The following ECD variants were observed in gnomAD, a reference collection of about 807,000 sequenced individuals.
ECD encodes the protein protein ecdysoneless homolog.
In ECD, 59 loss-of-function variants were observed where a neutral mutation model predicts 77.2. The ratio of observed to expected loss-of-function variants is 0.76; its 90% CI spans 0.62 to 0.95. The LOEUF (loss-of-function observed/expected upper bound fraction) is 0.95. Among genes scored for constraint, ECD ranks in the 40% least tolerant of loss-of-function variants. The pLI, the probability that ECD is intolerant of heterozygous loss-of-function variation, is 0.00. For synonymous variants in ECD, 233 were observed against 267.4 expected, an observed-to-expected ratio of 0.87 and a Z score of 1.26; for missense variants, 704 against 763.4, an observed-to-expected ratio of 0.92 and a Z score of 0.92.
intron 3 of ECD, 101 bp downstream of exon 3, chr10:73,160,333 A>G: frequency 1.3e-6 from 1 of 747,670 alleles, no homozygotes; most frequent in Non-Finnish European, 2.0e-6. Context: ...TACAATTTCC[A>G]GCAGACTACA....
At chr10:73,157,387 T>A (rs541817995) in intron 3 of ECD, among the ~76,000 whole-genome samples, 4 of 151,784 alleles carry the variant, frequency 2.6e-5, no homozygotes, top group Non-Finnish European at 5.9e-5. Context: ...TAAAATAGGT[T>A]ATACATTCAC....
intron 6 of ECD, among the ~76,000 whole-genome samples, chr10:73,152,963 T>C (rs7910775): frequency 2.0e-5 from 3 of 151,940 alleles, no homozygotes; most frequent in African/African-American, 7.3e-5. Context: ...GCTAGTAAAA[T>C]TCTTATCATT....
At chr10:73,168,093 T>A, upstream of ECD, 1 of 530,964 alleles carries the variant, frequency 1.9e-6, no homozygotes, top group Non-Finnish European at 3.3e-6. Flanking sequence ...GCGGGAGCAT[T>A]TTGCGAGTGT....
At chr10:73,156,696 A>AT in intron 3 of ECD, 41 bp from the exon 4 acceptor site, 2 of 1,557,986 alleles carry the variant, frequency 1.3e-6, no homozygotes, top group Non-Finnish European at 1.8e-6. Flanking sequence ...CAAAAAGCAT[A>AT]TATCTGCTAG....
At chr10:73,140,134 G>A (rs865935598) in intron 9 of ECD, among the ~76,000 whole-genome samples, 4 of 151,782 alleles carry the variant, frequency 2.6e-5, no homozygotes, top group Non-Finnish European at 2.9e-5. Flanking sequence ...ACAGGCATGC[G>A]CCACCACACC....
chr10:73,138,093 C>A (rs1843001388), intron 11 of ECD, 23 bp from the exon 12 acceptor site: 1 of 1,535,322 alleles, frequency 6.5e-7, no homozygotes, highest in South Asian at 1.3e-5. Context: ...AGGACAAAGA[C>A]AATTAATTTA....
intron 9 of ECD, among the ~76,000 whole-genome samples, chr10:73,140,468 C>G (rs571123215): frequency 6.6e-6 from 1 of 151,596 alleles, no homozygotes; most frequent in East Asian, 2.0e-4. Flanking sequence ...GCGGGGAGAT[C>G]ACTTGAGGTC....
At chr10:73,146,213 TA>T in intron 9 of ECD, 62 bp downstream of exon 9, 1 of 778,920 alleles carries the variant, frequency 1.3e-6, no homozygotes, top group Non-Finnish European at 1.8e-6. Context: ...AAATAATAAA[TA>T]AAAAATAAAA....
intron 5 of ECD, 59 bp from the exon 6 acceptor site, chr10:73,154,507 T>C (rs995768745): frequency 2.8e-6 from 4 of 1,427,076 alleles, no homozygotes; most frequent in South Asian, 2.8e-5. Flanking sequence ...ATAATTCTTA[T>C]ACCATTCACA....
At position 73,134,286 on chromosome 10, in the gene ECD, A is replaced by G. The variant is rs1162668352; in HGVS notation, c.*297T>C. 1 of 241,170 alleles carries G rather than the reference A, an allele frequency of 4.1e-6. No homozygotes were observed. The highest frequency in any genetic ancestry group is 8.2e-5 in the East Asian group (1 of 12,184). The allele number at this position is 241,170 out of a possible 1,614,324, so 14.9% of individuals were successfully genotyped here. ...TAAGGGAGAAATTTAAATATTTAGA[A>G]TTACTCCAAGGGTATATTGTGGTAG... On this transcript the variant is annotated 3_prime_UTR_variant, in exon 14 of 14. Transcript: ENST00000372979.
rs763126112 is a variant in ECD, at chr10:73,134,608, G to C, written c.1910C>G (p.Pro637Arg). The C allele has an allele frequency of 3.7e-6, 6 of 1,613,880 alleles. No individual in the cohort carries two copies. The East Asian group carries it at 1.1e-4, about 30-fold the overall frequency. ...VQLPDNTDHR[P>R]TSKPTKN The stretch of plus-strand genomic sequence containing the variant: ...TTAATTTTTTGTTGGCTTACTTGTT[G>C]GTCTGTGATCGGTGTTGTCAGGCAG... Residue 637 changes from proline to arginine, a missense_variant, in exon 14 of 14, where the codon CCA becomes CGA. By Grantham distance (103) the Pro-to-Arg change is moderately radical. Coordinates refer to ENST00000372979, the MANE Select transcript of ECD (RefSeq NM_007265.3).
chr10:73,161,034 G>A (rs1034796547), intron 2 of ECD, among the ~76,000 whole-genome samples: 2 of 152,034 alleles, frequency 1.3e-5, no homozygotes, highest in African/African-American at 4.8e-5. Context: ...AAATCACAGG[G>A]AAATTAGAAA....
intron 3 of ECD, among the ~76,000 whole-genome samples, chr10:73,160,096 A>G (rs12245067): frequency 0.2 from 30,023 of 151,178 alleles, 5,392 homozygotes; most frequent in African/African-American, 0.47. Flanking sequence ...AGACTAGCCT[A>G]GCCAACATGG....
chr10:73,162,400 G>A (rs1469167825), intron 2 of ECD, among the ~76,000 whole-genome samples: 2 of 152,172 alleles, frequency 1.3e-5, no homozygotes, highest in Non-Finnish European at 2.9e-5. Context: ...CTGGGTGGAT[G>A]GCAATGCCAT....
chr10:73,140,004 TAACAGAGTTTCAC>T (rs1422521484), intron 9 of ECD, among the ~76,000 whole-genome samples: 1 of 151,974 alleles, frequency 6.6e-6, no homozygotes, highest in African/African-American at 2.4e-5. Flanking sequence ...TGTTTGTTTT[TAACAGAGTTTCAC>T]TCTGTCGCCC....
At chr10:73,151,270 G>GC (rs1336611941) in intron 7 of ECD, among the ~76,000 whole-genome samples, 1 of 150,826 alleles carries the variant, frequency 6.6e-6, no homozygotes, top group African/African-American at 2.4e-5. Context: ...GCAAACTATT[G>GC]CAAGGACAAA....
At chr10:73,159,105 T>C (rs961995385) in intron 3 of ECD, among the ~76,000 whole-genome samples, 1 of 152,226 alleles carries the variant, frequency 6.6e-6, no homozygotes, top group African/African-American at 2.4e-5. Flanking sequence ...AAAATTTAAA[T>C]AATAAGTTTT....
intron 9 of ECD, among the ~76,000 whole-genome samples, chr10:73,141,980 G>A (rs1843063872): frequency 6.6e-6 from 1 of 152,074 alleles, no homozygotes; most frequent in Non-Finnish European, 1.5e-5. Flanking sequence ...TTCTAAGACA[G>A]GGTCTCACTC....
chr10:73,163,485 A>G (rs1490395045), intron 2 of ECD, among the ~76,000 whole-genome samples: 3 of 152,234 alleles, frequency 2.0e-5, no homozygotes, highest in Non-Finnish European at 4.4e-5. Flanking sequence ...TCAAAAGAAT[A>G]GCCATGAGTT....
Sources: gnomAD v4.1 joint callset for allele counts (sites outside exome capture counted in the v4.1 genomes callset) on GRCh38, gnomAD v4.1.1 for gene constraint, MANE v1.5 for transcripts, NCBI Gene and HGNC (gene_info 2026-07-23, HGNC 2026-07-21) for gene names.